ADAM28: variants seen among roughly 807,000 people sequenced by gnomAD.
ADAM28 encodes disintegrin and metalloproteinase domain-containing protein 28.
In ADAM28, 105 loss-of-function variants were observed where a neutral mutation model predicts 101.2. That is an observed-to-expected ratio of 1.04 (90% CI 0.89 to 1.22). The LOEUF (loss-of-function observed/expected upper bound fraction) is 1.22. ADAM28 is among the 50% of genes most tolerant of loss of function. The pLI, the probability that ADAM28 is intolerant of heterozygous loss-of-function variation, is 0.00. For synonymous variants in ADAM28, 322 were observed against 310.6 expected (o/e 1.04, Z -0.39); for missense variants, 1,028 against 945.4 (o/e 1.09, Z -1.15).
At chr8:24,312,940 G>C (rs1231534629) in intron 5 of ADAM28, among the ~76,000 whole-genome samples, 1 of 152,140 alleles carries the variant, frequency 6.6e-6, no homozygotes, top group East Asian at 1.9e-4. Flanking sequence ...AATAAATGTG[G>C]AGAACCTGAG....
rs1298020404 is a variant in ADAM28 at position 24,329,889 on chromosome 8, G to C, written c.973-96G>C. ...TGTGTTTGTGTGTGTGTGTGTGTGA[G>C]AGAGAGAGAGAGAGAGAGAGAGAGA... On this transcript the variant is annotated intron_variant, in intron 10 of 22. Coordinates refer to ENST00000265769, the MANE Select transcript of ADAM28 (RefSeq NM_014265.6). The C allele has an allele frequency of 5.3e-6, 5 of 939,642 alleles. No homozygotes were observed. In the Admixed American group the frequency reaches 9.9e-5, roughly 19 times the overall value. The allele number at this position is 939,642 out of a possible 1,614,324, so 58.2% of individuals were successfully genotyped here.
chr8:24,343,357 C>T (rs1182595027), intron 17 of ADAM28, 149 bp from the exon 18 acceptor site: 2 of 1,029,246 alleles, frequency 1.9e-6, no homozygotes, highest in Non-Finnish European at 2.9e-6. Context: ...TCATGAAATG[C>T]CTCTCATTCA....
chr8:24,330,995 G>A (rs552382226), intron 11 of ADAM28, among the ~76,000 whole-genome samples, 155 bp from the exon 12 acceptor site: 1 of 152,126 alleles, frequency 6.6e-6, no homozygotes, highest in East Asian at 1.9e-4. Flanking sequence ...GGGTTAATTC[G>A]GGCATGCAAA....
At chr8:24,310,603 A>C (rs929434750) in intron 4 of ADAM28, among the ~76,000 whole-genome samples, 3 of 152,140 alleles carry the variant, frequency 2.0e-5, no homozygotes, top group African/African-American at 7.2e-5. Context: ...CCTCAATGGC[A>C]ATTGCAGAAT....
intron 9 of ADAM28, among the ~76,000 whole-genome samples, chr8:24,325,820 A>C (rs1812462350): frequency 6.9e-6 from 1 of 144,362 alleles, no homozygotes; most frequent in Non-Finnish European, 1.5e-5. Flanking sequence ...AACTTGATGC[A>C]ATTTGGCAAA....
At chr8:24,343,714 C>A (rs1189618810) in intron 18 of ADAM28, 130 bp downstream of exon 18, 3 of 768,616 alleles carry the variant, frequency 3.9e-6, no homozygotes, top group Non-Finnish European at 6.3e-6. Context: ...GTTGAATCCA[C>A]AATATTTATC....
rs1267802777 is a variant in ADAM28, at chr8:24,355,741, C to T, written c.*1337C>T. ...CATGGAATTGGTAGATCAGTGACTGCTGGAGTTACCTCACACTTTCTTGGT... is the reference window on the plus strand; with the variant it reads ...CATGGAATTGGTAGATCAGTGACTGTTGGAGTTACCTCACACTTTCTTGGT... On this transcript the variant is annotated 3_prime_UTR_variant, in exon 23 of 23. Coordinates refer to ENST00000265769, the MANE Select transcript of ADAM28 (RefSeq NM_014265.6). The T allele has an allele frequency of 6.6e-6, 1 of 152,080 alleles. No homozygotes were observed. Among genetic ancestry groups the T allele is most frequent in the Non-Finnish European group, 1.5e-5 (1 of 68,018 alleles). The allele number at this position is 152,080 out of a possible 1,614,324, so 9.4% of individuals were successfully genotyped here.
rs189064816 is a variant in ADAM28, at chr8:24,329,686, A to G, written c.973-299A>G. Among the ~76,000 whole-genome samples, 555 of 152,260 alleles carry G rather than the reference A, an allele frequency of 3.6e-3. 6 individuals carry two copies. Among genetic ancestry groups the G allele is most frequent in the African/African-American group, 0.013 (539 of 41,568 alleles). ...TGTAAGGGAGATAGATCACTTAAAA[A>G]AAAGTTCTGATTTCTTATTGTTGAT... On this transcript the variant is annotated intron_variant, in intron 10 of 22. Transcript: ENST00000265769.
intron 6 of ADAM28, among the ~76,000 whole-genome samples, chr8:24,318,334 A>G (rs891739286): frequency 6.6e-6 from 1 of 151,860 alleles, no homozygotes; most frequent in African/African-American, 2.4e-5. Context: ...GCTACTCCTC[A>G]TTTCATTTCT....
intron 10 of ADAM28, among the ~76,000 whole-genome samples, chr8:24,327,948 T>G (rs910586612): frequency 6.6e-6 from 1 of 152,104 alleles, no homozygotes; most frequent in Non-Finnish European, 1.5e-5. Flanking sequence ...GTTTTAGATA[T>G]CCATCTTTCA....
intron 10 of ADAM28, among the ~76,000 whole-genome samples, chr8:24,327,938 G>T (rs932720764): frequency 6.6e-6 from 1 of 151,800 alleles, no homozygotes; most frequent in Admixed American, 6.6e-5. Flanking sequence ...TATTAATTTT[G>T]TTTTAGATAT....
chr8:24,351,624 C>T, intron 20 of ADAM28: 1 of 480,568 alleles, frequency 2.1e-6, no homozygotes, highest in South Asian at 2.2e-5. Context: ...TAGCTTATTT[C>T]TTTGCAAATT....
rs1365391851 is a variant in ADAM28 at position 24,326,610 on chromosome 8, C to T, written c.947C>T (p.Ser316Phe). ...CTTGCATTTATGTCTACAATGTGTT[C>T]TCCTTATTCTGTTGGCGTTGTTCAG... The part of the protein sequence containing the change: ...VGLAFMSTMC[S>F]PYSVGVVQDH... Residue 316 changes from serine (S) to phenylalanine (F), a missense_variant, in exon 10 of 23, where the codon TCT (serine) becomes TTT (phenylalanine). By Grantham distance (155) the Ser-to-Phe change is radical (BLOSUM62 -2). Coordinates refer to ENST00000265769, the MANE Select transcript of ADAM28 (RefSeq NM_014265.6). 3.7e-6 allele frequency: 6 copies of T among 1,611,866 alleles called. No homozygotes were observed. The highest frequency in any genetic ancestry group is 5.1e-6 in the Non-Finnish European group (6 of 1,178,680).
Position 24,325,886 on chromosome 8 carries a change from A to AC in ADAM28, c.891-668_891-667insC, listed in dbSNP as rs74283469. On this transcript the variant is annotated intron_variant, in intron 9 of 22. Coordinates refer to ENST00000265769, the MANE Select transcript of ADAM28 (RefSeq NM_014265.6). The stretch of plus-strand genomic sequence containing the variant: ...GTACAGATAGCAAAAAAAAAAAAAA[A>AC]AAAAAAAAAAAAAACCAAAAAACAA... Among the ~76,000 whole-genome samples, 634 of 130,214 alleles carry AC rather than the reference A, an allele frequency of 4.9e-3. 7 individuals are homozygous for AC. The highest frequency in any genetic ancestry group is 7.4e-3 in the Non-Finnish European group (431 of 58,010). 85.4% of individuals were successfully genotyped at this position (130,214 alleles called of 152,430 possible).
chr8:24,311,314 G>A (rs749661789), intron 4 of ADAM28, 47 bp from the exon 5 acceptor site: 1 of 1,504,150 alleles, frequency 6.6e-7, no homozygotes, highest in Non-Finnish European at 9.1e-7. Context: ...TAGCAGCGGT[G>A]CTAAAATTCA....
Position 24,354,428 on chromosome 8 carries a change from T to A in ADAM28, c.*24T>A. 1 of 1,601,400 alleles carries A rather than the reference T, an allele frequency of 6.2e-7. No homozygotes were observed. Among genetic ancestry groups the A allele is most frequent in the Non-Finnish European group, 8.5e-7 (1 of 1,173,340 alleles). On this transcript the variant is annotated 3_prime_UTR_variant, in exon 23 of 23. Coordinates refer to ENST00000265769, the MANE Select transcript of ADAM28 (RefSeq NM_014265.6). ...GAAGCAACAGCTAAGCAAGAACTAA[T>A]GGCTAAATTATCAACTTGGAAAACT...
intron 21 of ADAM28, among the ~76,000 whole-genome samples, chr8:24,352,838 T>A (rs1816328105): frequency 6.6e-6 from 1 of 152,176 alleles, no homozygotes. Context: ...TCTTTGAATG[T>A]AAATGTTTTA....
chr8:24,322,553 G>C (rs1812023767), intron 8 of ADAM28: 1 of 152,040 alleles, frequency 6.6e-6, no homozygotes, highest in South Asian at 2.1e-4. Flanking sequence ...CTTAGTCACA[G>C]CTTTAAAGTG....
intron 16 of ADAM28, 131 bp downstream of exon 16, chr8:24,341,888 C>T (rs1814812441): frequency 9.3e-7 from 1 of 1,079,504 alleles, no homozygotes; most frequent in East Asian, 2.6e-5. Context: ...TAATAGAACC[C>T]ACAGAGTTTG....
Sources: gnomAD v4.1 joint callset for allele counts (sites outside exome capture counted in the v4.1 genomes callset) on GRCh38, gnomAD v4.1.1 for gene constraint, MANE v1.5 for transcripts, NCBI Gene and HGNC (gene_info 2026-07-23, HGNC 2026-07-21) for gene names.